Variants in FLT3 observed in about 807,000 individuals in gnomAD.
FLT3 encodes the protein fms related receptor tyrosine kinase 3.
Under a neutral mutation model 126.6 loss-of-function variants are expected in FLT3, and 46 were observed. The observed-to-expected ratio is 0.36, with a 90% CI of 0.29 to 0.46. FLT3 has a LOEUF of 0.46. FLT3 is among the 20% of genes least tolerant of loss of function. FLT3 has a pLI of 1.00. For synonymous variants in FLT3, 404 were observed against 434.4 expected, an observed-to-expected ratio of 0.93 and a Z score of 0.87; for missense variants, 1,069 against 1,190.3, an observed-to-expected ratio of 0.90 and a Z score of 1.50.
intron 23 of FLT3, among the ~76,000 whole-genome samples, chr13:28,008,401 C>A (rs1566052518): frequency 6.6e-6 from 1 of 151,612 alleles, no homozygotes; most frequent in Non-Finnish European, 1.5e-5. Flanking sequence ...TAGGCAATAT[C>A]CATTTTTGCT....
At chr13:28,031,562 G>T (rs1041242587) in intron 15 of FLT3, among the ~76,000 whole-genome samples, 1 of 152,194 alleles carries the variant, frequency 6.6e-6, no homozygotes, top group African/African-American at 2.4e-5. Context: ...TTCTACGGGG[G>T]AAAGCCTGCA....
chr13:28,086,419 G>C (rs1440921685), intron 1 of FLT3, among the ~76,000 whole-genome samples: 1 of 152,020 alleles, frequency 6.6e-6, no homozygotes, highest in African/African-American at 2.4e-5. Flanking sequence ...GACATACACT[G>C]TACTTCTACG....
At chr13:28,037,980 T>C (rs936405471) in intron 9 of FLT3, among the ~76,000 whole-genome samples, 3 of 152,098 alleles carry the variant, frequency 2.0e-5, no homozygotes, top group East Asian at 1.9e-4. Flanking sequence ...TATGGAAAAA[T>C]TGTCTTCCAC....
chr13:28,049,553 A>G lies in FLT3; in HGVS notation c.883-16T>C. The G allele has an allele frequency of 6.2e-7, 1 of 1,612,820 alleles. No individual in the cohort carries two copies. Among genetic ancestry groups the G allele is most frequent in the Non-Finnish European group, 8.5e-7 (1 of 1,179,114 alleles). ...AGTAGTTGCCCTAGGTTTTAATAAAACAGAGTTTGCATTTAATGTTTTCAA... is the reference window on the plus strand; with the variant it reads ...AGTAGTTGCCCTAGGTTTTAATAAAGCAGAGTTTGCATTTAATGTTTTCAA... On this transcript the variant is annotated splice_polypyrimidine_tract_variant and intron_variant, in intron 7 of 23. Coordinates refer to ENST00000241453, the MANE Select transcript of FLT3 (RefSeq NM_004119.3).
At chr13:28,025,436 A>G in intron 17 of FLT3, 1 of 451,462 alleles carries the variant, frequency 2.2e-6, no homozygotes, top group Non-Finnish European at 4.4e-6. Context: ...AATAAATAGC[A>G]ATAATACAAA....
intron 1 of FLT3, among the ~76,000 whole-genome samples, chr13:28,089,870 G>A (rs1482986093): frequency 6.6e-6 from 1 of 151,516 alleles, no homozygotes; most frequent in Non-Finnish European, 1.5e-5. Context: ...GAGTAACTAG[G>A]ATTAAAGGCG....
chr13:28,027,664 C>T (rs1872929727), intron 16 of FLT3, among the ~76,000 whole-genome samples: 1 of 152,148 alleles, frequency 6.6e-6, no homozygotes, highest in South Asian at 2.1e-4. Context: ...TAGTACCAGC[C>T]CCAGGCCTGC....
chr13:28,088,789 T>C (rs376401266), intron 1 of FLT3, among the ~76,000 whole-genome samples: 1 of 151,658 alleles, frequency 6.6e-6, no homozygotes, highest in South Asian at 2.1e-4. Flanking sequence ...TTTCACTATG[T>C]TGGCCAGGCT....
chr13:28,060,377 G>A (rs138600416), intron 3 of FLT3, among the ~76,000 whole-genome samples: 3,123 of 144,322 alleles, frequency 0.022, 92 homozygotes, highest in African/African-American at 0.074. Context: ...AGGTGAGATC[G>A]TGCCACTGCA....
At chr13:28,080,289 T>C (rs1007825037) in intron 1 of FLT3, among the ~76,000 whole-genome samples, 2 of 152,212 alleles carry the variant, frequency 1.3e-5, no homozygotes, top group African/African-American at 2.4e-5. Flanking sequence ...GGCACCAGAA[T>C]TGCTTGAACC....
In FLT3 at chr13:28,003,590, T is replaced by C. The variant is rs1406642210; in HGVS notation, c.*462A>G. On this transcript the variant is annotated 3_prime_UTR_variant, in exon 24 of 24. Coordinates refer to ENST00000241453, the MANE Select transcript of FLT3 (RefSeq NM_004119.3). ...GTTAAGACTTGCCCTAATTATACCA[T>C]GTAAATAATTCAATAATGGGCAATT... 2.0e-5 allele frequency: 5 copies of C among 245,388 alleles called. No individual in the cohort carries two copies. The highest frequency in any genetic ancestry group is 4.0e-5 in the Non-Finnish European group (5 of 124,232). The allele number at this position is 245,388 out of a possible 1,614,324, so 15.2% of individuals were successfully genotyped here. A position where few individuals can be genotyped will look rare whatever the true frequency, so the allele number is the denominator to read the frequency against.
At chr13:28,082,681 T>TTTTGC (rs1376193267) in intron 1 of FLT3, among the ~76,000 whole-genome samples, 6 of 139,238 alleles carry the variant, frequency 4.3e-5, no homozygotes, top group Admixed American at 4.2e-4. Context: ...TTTTGTTTTG[T>TTTTGC]TTTGTTTTGT....
At chr13:28,034,846 C>T (rs894185674) in intron 12 of FLT3, among the ~76,000 whole-genome samples, 63 of 151,526 alleles carry the variant, frequency 4.2e-4, no homozygotes, top group African/African-American at 1.1e-3. Context: ...CCCAGCTGCT[C>T]GGGAGGCTGA....
At chr13:28,091,638 T>C (rs544996256) in intron 1 of FLT3, among the ~76,000 whole-genome samples, 96 of 152,170 alleles carry the variant, frequency 6.3e-4, no homozygotes, top group African/African-American at 2.1e-3. Flanking sequence ...TTAACTACTG[T>C]CTATCTGCTG....
At chr13:28,040,191 TTGG>T (rs1463343955) in intron 9 of FLT3, among the ~76,000 whole-genome samples, 1 of 152,142 alleles carries the variant, frequency 6.6e-6, no homozygotes, top group Non-Finnish European at 1.5e-5. Context: ...AATTTACAAT[TTGG>T]TGGTGAAGGT....
chr13:28,074,746 T>C (rs575133002), intron 1 of FLT3, among the ~76,000 whole-genome samples: 5 of 152,238 alleles, frequency 3.3e-5, no homozygotes, highest in East Asian at 1.9e-4. Flanking sequence ...GCTCAAGCCA[T>C]CCCCCCACCT....
chr13:28,033,205 G>GT (rs1486422554), intron 15 of FLT3, among the ~76,000 whole-genome samples: 1 of 151,318 alleles, frequency 6.6e-6, no homozygotes, highest in African/African-American at 2.5e-5. Context: ...TGAGGCTGAG[G>GT]TGAGAGCATT....
intron 1 of FLT3, among the ~76,000 whole-genome samples, chr13:28,091,311 TC>T (rs1333526235): frequency 7.8e-6 from 1 of 128,198 alleles, no homozygotes; most frequent in Non-Finnish European, 1.6e-5. Context: ...AAGCTCCGCC[TC>T]CCGGGTTCAC....
chr13:28,034,365 G>A lies in FLT3; in HGVS notation c.1640C>T (p.Thr547Ile). Residue 547 changes from threonine (T) to isoleucine (I), a missense_variant, in exon 13 of 24, where the codon ACA (threonine) becomes ATA (isoleucine). By Grantham distance (89) the Thr-to-Ile change is moderately conservative. Coordinates refer to ENST00000241453, the MANE Select transcript of FLT3 (RefSeq NM_004119.3). ...AATGAAGAGGAGACAAACACCAATT[G>A]TTGCATAGAATGAGATGTTGTCTTG... ...FIQDNISFYATIGVCLLFIVV... is the reference protein window; with the variant it reads ...FIQDNISFYAIIGVCLLFIVV... The A allele has an allele frequency of 1.2e-6, 2 of 1,614,044 alleles. No individual in the cohort carries two copies. The highest frequency in any genetic ancestry group is 1.7e-6 in the Non-Finnish European group (2 of 1,179,922).
Sources: allele counts gnomAD v4.1 joint callset (sites outside exome capture counted in the v4.1 genomes callset), GRCh38; gene constraint gnomAD v4.1.1; transcripts MANE v1.5; gene names NCBI Gene and HGNC (gene_info 2026-07-23, HGNC 2026-07-21).